The following NPAS2 variants were observed in gnomAD, a reference collection of about 807,000 sequenced individuals.
The protein encoded by NPAS2 is neuronal PAS domain-containing protein 2.
NPAS2 carries 23 observed loss-of-function variants against 107.5 expected under a neutral mutation model. The ratio of observed to expected loss-of-function variants is 0.21; its 90% CI spans 0.15 to 0.30. NPAS2 has a LOEUF of 0.30. Ranked by LOEUF, NPAS2 falls within the 10% of genes least tolerant of loss-of-function variation. The pLI is 1.00. For missense variants in NPAS2, 756 were observed against 1,043.3 expected, an observed-to-expected ratio of 0.72 and a Z score of 3.79; for synonymous variants, 403 against 417.5, an observed-to-expected ratio of 0.97 and a Z score of 0.42.
Position 100,968,240 on chromosome 2 carries a change from A to C in NPAS2, c.908-41A>C. The C allele has an allele frequency of 6.3e-7, 1 of 1,592,836 alleles. No individual in the cohort carries two copies. On this transcript the variant is annotated intron_variant, in intron 10 of 20. Coordinates refer to ENST00000335681, the MANE Select transcript of NPAS2 (RefSeq NM_002518.4). This position sits in a 1 kb window ranked among gnomAD's most constrained non-coding sequence, Gnocchi z 5.3. ...CTCTTGGGGAAAAGATCATTTTCAT[A>C]TTAACATTGGTTATATGCGGAATCC...
chr2:100,921,869 C>T (rs1683248239), intron 2 of NPAS2, among the ~76,000 whole-genome samples: 1 of 152,166 alleles, frequency 6.6e-6, no homozygotes, highest in Non-Finnish European at 1.5e-5. Flanking sequence ...ACACACAGAT[C>T]TGTACATGAG....
intron 1 of NPAS2, among the ~76,000 whole-genome samples, chr2:100,829,598 G>A (rs1676601861): frequency 6.6e-6 from 1 of 152,132 alleles, no homozygotes; most frequent in Non-Finnish European, 1.5e-5. Context: ...CATATCAGCA[G>A]CAAAGAGAGA....
chr2:100,893,012 T>C (rs1010951051), intron 1 of NPAS2, among the ~76,000 whole-genome samples: 2 of 152,146 alleles, frequency 1.3e-5, no homozygotes, highest in African/African-American at 2.4e-5. Context: ...GCCACTGTGC[T>C]TGGCCTTAGA....
intron 1 of NPAS2, among the ~76,000 whole-genome samples, chr2:100,852,553 C>T (rs1469863242): frequency 6.6e-6 from 1 of 152,116 alleles, no homozygotes; most frequent in African/African-American, 2.4e-5. Flanking sequence ...TGCAGGGACC[C>T]CTGGCTAGCA....
rs1678085955 is a variant in NPAS2 at position 100,990,994 on chromosome 2, T to A, written c.2111+122T>A. The A allele has an allele frequency of 5.1e-6, 4 of 791,030 alleles. No individual in the cohort carries two copies. The Admixed American group carries it at 8.2e-5, about 16-fold the overall frequency. 49.0% of individuals were successfully genotyped at this position (791,030 alleles called of 1,614,324 possible). A position where few individuals can be genotyped will look rare whatever the true frequency, so the allele number is the denominator to read the frequency against. On this transcript the variant is annotated intron_variant, in intron 19 of 20. Transcript: ENST00000335681. ...CCTTGCGCTAAAGGCAAGGTCTGAG[T>A]GTGCCCACAGCTGTGAAGGGGACGC...
intron 1 of NPAS2, among the ~76,000 whole-genome samples, chr2:100,857,806 G>A (rs1413416328): frequency 6.6e-6 from 1 of 150,684 alleles, no homozygotes; most frequent in African/African-American, 2.4e-5. Flanking sequence ...ATGACTCTTT[G>A]TCCCACTGAA....
intron 5 of NPAS2, 79 bp from the exon 6 acceptor site, chr2:100,948,156 T>C (rs1361667076): frequency 1.3e-6 from 2 of 1,515,492 alleles, no homozygotes; most frequent in African/African-American, 1.4e-5. Context: ...TGCGTTGTTG[T>C]GAATGTTCAA....
intron 1 of NPAS2, among the ~76,000 whole-genome samples, chr2:100,875,693 A>G (rs1679921416): frequency 6.6e-6 from 1 of 152,238 alleles, no homozygotes; most frequent in South Asian, 2.1e-4. Flanking sequence ...CATTTTTAAC[A>G]AAGATTTAAA....
intron 17 of NPAS2, chr2:100,988,545 A>G: frequency 4.3e-6 from 2 of 464,788 alleles, no homozygotes; most frequent in Admixed American, 3.7e-5. Flanking sequence ...ACTCGGCTGA[A>G]ATGTTCACCT....
chr2:100,963,052 T>C (rs1469322272), intron 7 of NPAS2, among the ~76,000 whole-genome samples: 1 of 152,248 alleles, frequency 6.6e-6, no homozygotes. Flanking sequence ...GAGCAGATTT[T>C]GTCACCTGGG....
chr2:100,842,105 A>G (rs1573441939), intron 1 of NPAS2, among the ~76,000 whole-genome samples: 1 of 151,948 alleles, frequency 6.6e-6, no homozygotes, highest in Non-Finnish European at 1.5e-5. Flanking sequence ...ACACACACAC[A>G]CACACTTAAG....
At chr2:100,880,458 G>A (rs1405261380) in intron 1 of NPAS2, among the ~76,000 whole-genome samples, 1 of 152,164 alleles carries the variant, frequency 6.6e-6, no homozygotes, top group Non-Finnish European at 1.5e-5. Context: ...TCTTAAAGAG[G>A]AAGCAAATTC....
chr2:100,903,422 A>G (rs1038824162), intron 1 of NPAS2, among the ~76,000 whole-genome samples: 4 of 152,218 alleles, frequency 2.6e-5, no homozygotes, highest in African/African-American at 9.6e-5. Flanking sequence ...CTGCATGGGC[A>G]TTATGTGAAC....
At chr2:100,871,531 G>T (rs766014929) in intron 1 of NPAS2, among the ~76,000 whole-genome samples, 1 of 151,826 alleles carries the variant, frequency 6.6e-6, no homozygotes, top group Non-Finnish European at 1.5e-5. Context: ...AGGTTTCTCC[G>T]TGTTGGCCAG....
intron 15 of NPAS2, among the ~76,000 whole-genome samples, chr2:100,979,737 C>T (rs1031738451): frequency 3.9e-5 from 6 of 151,942 alleles, no homozygotes; most frequent in African/African-American, 1.5e-4. Flanking sequence ...GCTGTGTTGG[C>T]CAGGCTGGTC....
At chr2:100,877,980 G>A (rs1295318146) in intron 1 of NPAS2, 2 of 985,188 alleles carry the variant, frequency 2.0e-6, no homozygotes, top group East Asian at 1.1e-4. Context: ...TATAGTCTGG[G>A]GCCTGCAGAA....
chr2:100,873,032 G>A (rs747879153), intron 1 of NPAS2, among the ~76,000 whole-genome samples: 2 of 151,836 alleles, frequency 1.3e-5, no homozygotes, highest in Non-Finnish European at 1.5e-5. Flanking sequence ...GCCAGGCGCA[G>A]TGTCTCATGC....
At chr2:100,915,916 T>C (rs184552144) in intron 2 of NPAS2, among the ~76,000 whole-genome samples, 2 of 152,266 alleles carry the variant, frequency 1.3e-5, no homozygotes, top group East Asian at 3.9e-4. Context: ...ATTTAGTGTA[T>C]GTATAGATAG....
chr2:100,839,800 C>G (rs1185795089), intron 1 of NPAS2, among the ~76,000 whole-genome samples: 5 of 152,082 alleles, frequency 3.3e-5, no homozygotes, highest in Non-Finnish European at 5.9e-5. Flanking sequence ...TGCTGCCAGG[C>G]ATGTCTAGAG....
Sources: allele counts gnomAD v4.1 joint callset (sites outside exome capture counted in the v4.1 genomes callset), GRCh38; gene constraint gnomAD v4.1.1; non-coding constraint Gnocchi (gnomAD v3.1); transcripts MANE v1.5; gene names NCBI Gene and HGNC (gene_info 2026-07-23, HGNC 2026-07-21).